FBN2: variants seen among roughly 807,000 people sequenced by gnomAD.
FBN2 encodes the protein fibrillin 2, also known as fibrillin-2.
FBN2 carries 105 observed loss-of-function variants against 355.6 expected under a neutral mutation model. That is an observed-to-expected ratio of 0.30 (90% CI 0.25 to 0.35). The LOEUF (loss-of-function observed/expected upper bound fraction) is 0.35, where lower values mean the gene tolerates loss of function less well. Among genes scored for constraint, FBN2 ranks in the 10% least tolerant of loss-of-function variants. The probability of loss-of-function intolerance (pLI) is 1.00; values close to 1 mark genes in which losing one functional copy is unlikely to be tolerated. For missense variants in FBN2, 3,280 were observed against 3,758.7 expected, an observed-to-expected ratio of 0.87 and a Z score of 3.33; for synonymous variants, 1,350 against 1,301.2, an observed-to-expected ratio of 1.04 and a Z score of -0.81.
intron 34 of FBN2, among the ~76,000 whole-genome samples, chr5:128,320,458 C>T (rs977637659): frequency 1.3e-5 from 2 of 152,200 alleles, no homozygotes; most frequent in South Asian, 4.1e-4. Context: ...ATGGGATCCT[C>T]CCTCCTTGGC....
intron 3 of FBN2, among the ~76,000 whole-genome samples, chr5:128,528,177 C>A (rs543940099): frequency 6.6e-6 from 1 of 152,092 alleles, no homozygotes; most frequent in East Asian, 1.9e-4. Context: ...TTTCAGGATG[C>A]ATTGAAAACA....
chr5:128,344,329 C>G, intron 25 of FBN2, 56 bp downstream of exon 25: 1 of 1,586,774 alleles, frequency 6.3e-7, no homozygotes, highest in Non-Finnish European at 8.7e-7. Flanking sequence ...TCCTTTCAAA[C>G]AGAGTAAAGG....
chr5:128,525,084 T>TA (rs1756528659), intron 4 of FBN2, among the ~76,000 whole-genome samples: 2 of 152,090 alleles, frequency 1.3e-5, no homozygotes, highest in South Asian at 4.1e-4. Flanking sequence ...CATACATACA[T>TA]ACACACGTAT....
chr5:128,284,909 T>C (rs1254144617), intron 55 of FBN2, among the ~76,000 whole-genome samples: 10 of 152,230 alleles, frequency 6.6e-5, no homozygotes, highest in Admixed American at 6.5e-4. Flanking sequence ...CATTTGCTTA[T>C]GTCCCTGATC....
chr5:128,491,393 G>A (rs1755500776), intron 5 of FBN2, among the ~76,000 whole-genome samples: 1 of 152,162 alleles, frequency 6.6e-6, no homozygotes, highest in Admixed American at 6.5e-5. Flanking sequence ...GTAACTGATG[G>A]AGAACAAAGG....
At chr5:128,481,787 TTTAC>T (rs958054775) in intron 5 of FBN2, among the ~76,000 whole-genome samples, 12 of 152,174 alleles carry the variant, frequency 7.9e-5, no homozygotes, top group African/African-American at 2.9e-4. Flanking sequence ...AAAAAAACAC[TTTAC>T]TTGAGTTTCT....
At chr5:128,397,681 A>G (rs962707650) in intron 8 of FBN2, among the ~76,000 whole-genome samples, 1 of 152,200 alleles carries the variant, frequency 6.6e-6, no homozygotes. Flanking sequence ...ATATTTAAAA[A>G]CACATCATCC....
rs1287289593 is a variant in FBN2 at position 128,286,745 on chromosome 5, G to A, written c.6985C>T (p.Arg2329Ter). Residue 2329 changes from arginine (R) to a stop codon, truncating the protein, a stop_gained, in exon 55 of 65, where the codon CGA becomes TGA. Coordinates refer to ENST00000262464, the MANE Select transcript of FBN2 (RefSeq NM_001999.4). LOFTEE classifies it high-confidence loss of function. The part of the protein sequence containing the change: ...FMCICPPGMA[R>*]RPDGEGCVDE... ...ACACAGCCTTCTCCATCGGGCCTTC[G>A]GGCCATTCCAGGAGGGCAGATGCAC... 6.2e-7 allele frequency: 1 copy of A among 1,614,112 alleles called. No homozygotes were observed.
chr5:128,299,158 C>T (rs1224324931), intron 48 of FBN2, among the ~76,000 whole-genome samples: 5 of 151,940 alleles, frequency 3.3e-5, no homozygotes, highest in Non-Finnish European at 5.9e-5. Flanking sequence ...GGTCAGGGGT[C>T]AGGGACCCAC....
intron 63 of FBN2, among the ~76,000 whole-genome samples, chr5:128,262,441 A>G (rs557723529): frequency 2.0e-5 from 3 of 152,282 alleles, no homozygotes; most frequent in African/African-American, 7.2e-5. Flanking sequence ...TGCTTTCCCA[A>G]TTTTCAATCT....
At chr5:128,417,620 T>A (rs1053357861) in intron 7 of FBN2, among the ~76,000 whole-genome samples, 12 of 152,190 alleles carry the variant, frequency 7.9e-5, no homozygotes, top group African/African-American at 2.7e-4. Flanking sequence ...ATGGTTTTCA[T>A]CCTTCATTCT....
intron 6 of FBN2, among the ~76,000 whole-genome samples, chr5:128,458,082 TGCAAAGACACACACAG>T: frequency 6.6e-6 from 1 of 152,122 alleles, no homozygotes; most frequent in African/African-American, 2.4e-5. Flanking sequence ...CCGTCTTACA[TGCAAAGACACACACAG>T]GCTCAAAATA....
At chr5:128,451,973 A>C (rs1754260887) in intron 6 of FBN2, among the ~76,000 whole-genome samples, 5 of 152,202 alleles carry the variant, frequency 3.3e-5, no homozygotes, top group Admixed American at 2.6e-4. Flanking sequence ...TAGAAGAACG[A>C]AACCCTTATT....
At chr5:128,353,803 C>A (rs2126926589) in intron 20 of FBN2, among the ~76,000 whole-genome samples, 1 of 152,282 alleles carries the variant, frequency 6.6e-6, no homozygotes, top group Admixed American at 6.5e-5. Flanking sequence ...GGTCACCCAG[C>A]TAGTACAGTG....
intron 8 of FBN2, among the ~76,000 whole-genome samples, chr5:128,398,532 C>T (rs1291086527): frequency 6.6e-6 from 1 of 151,996 alleles, no homozygotes; most frequent in Non-Finnish European, 1.5e-5. Flanking sequence ...CTGACAAATA[C>T]ATTACACAAG....
intron 21 of FBN2, 36 bp from the exon 22 acceptor site, chr5:128,350,041 A>G (rs769286200): frequency 7.5e-5 from 114 of 1,523,818 alleles, no homozygotes; most frequent in Non-Finnish European, 1.0e-4. Flanking sequence ...ACTTCATTAT[A>G]GAATAAAATA....
In FBN2 at chr5:128,309,414, A is replaced by C; in HGVS notation, c.5201-15T>G. Reference sequence around the variant, plus strand: ...TTTTCTCATGTCTATATAAAGAAAAACAAAGAAACTAGCCATTTGTATCCA... The same window carrying C: ...TTTTCTCATGTCTATATAAAGAAAACCAAAGAAACTAGCCATTTGTATCCA... On this transcript the variant is annotated splice_polypyrimidine_tract_variant and intron_variant, in intron 40 of 64. Transcript: ENST00000262464. The C allele has an allele frequency of 6.2e-7, 1 of 1,612,406 alleles. No homozygotes were observed. Among genetic ancestry groups the C allele is most frequent in the Non-Finnish European group, 8.5e-7 (1 of 1,178,622 alleles).
chr5:128,526,301 G>A (rs550597821), intron 4 of FBN2, among the ~76,000 whole-genome samples: 4 of 152,154 alleles, frequency 2.6e-5, no homozygotes, highest in African/African-American at 9.6e-5. Context: ...CTGCTAGTAG[G>A]AATGGAAGAC....
At chr5:128,333,898 G>C (rs1294997679) in intron 31 of FBN2, among the ~76,000 whole-genome samples, 1 of 148,150 alleles carries the variant, frequency 6.7e-6, no homozygotes, top group African/African-American at 2.5e-5. Context: ...CATCAACCCT[G>C]TCAGTGGTGA....
Sources: allele counts gnomAD v4.1 joint callset (sites outside exome capture counted in the v4.1 genomes callset), GRCh38; gene constraint gnomAD v4.1.1; transcripts MANE v1.5; gene names NCBI Gene and HGNC (gene_info 2026-07-23, HGNC 2026-07-21).